The following BRINP1 variants were observed in gnomAD, a reference collection of about 807,000 sequenced individuals.
BRINP1 encodes BMP/retinoic acid inducible neural specific 1, also known as BMP/retinoic acid-inducible neural-specific protein 1.
In BRINP1, 17 loss-of-function variants were observed where a neutral mutation model predicts 72.9. That is an observed-to-expected ratio of 0.23 (90% CI 0.16 to 0.35). The LOEUF is 0.35. BRINP1 is among the 10% of genes least tolerant of loss of function. The pLI is 1.00. For missense variants in BRINP1, 850 were observed against 1,001.6 expected (o/e 0.85, Z 2.04); for synonymous variants, 418 against 378.5 (o/e 1.10, Z -1.21).
chr9:119,303,261 T>C (rs1292521700), intron 2 of BRINP1, among the ~76,000 whole-genome samples: 4 of 146,218 alleles, frequency 2.7e-5, no homozygotes, highest in Admixed American at 1.4e-4. Flanking sequence ...CAAAGTTACC[T>C]ACACCCCCCA....
chr9:119,193,529 C>T (rs1214035066), intron 7 of BRINP1, among the ~76,000 whole-genome samples: 1 of 152,066 alleles, frequency 6.6e-6, no homozygotes, highest in African/African-American at 2.4e-5. Flanking sequence ...TTGGGGATTG[C>T]TGTTAAATAG....
At position 119,343,719 on chromosome 9, in the gene BRINP1, C is replaced by T. The variant is rs1315664991; in HGVS notation, c.-51+25337G>A. Reference sequence around the variant, plus strand: ...TTGACAGATACTGAAATTTGAGATGCACTATCTGCCTGAGGCTGTGCTATA... The same window carrying T: ...TTGACAGATACTGAAATTTGAGATGTACTATCTGCCTGAGGCTGTGCTATA... On this transcript the variant is annotated intron_variant, in intron 1 of 7. Transcript: ENST00000265922. 9.9e-5 allele frequency among the ~76,000 whole-genome samples: 15 copies of T among 152,124 alleles called. 1 individual carries two copies. The highest frequency in any genetic ancestry group is 9.8e-4 in the Admixed American group (15 of 15,274).
Position 119,167,225 on chromosome 9 carries a change from G to T in BRINP1, c.2145C>A (p.Pro715=). The change falls in exon 8 of 8, where the codon CCC becomes CCA. Residue 715 remains proline (P), a synonymous_variant. Coordinates refer to ENST00000265922, the MANE Select transcript of BRINP1 (RefSeq NM_014618.3). This position sits in a 1 kb window ranked among gnomAD's most constrained non-coding sequence, Gnocchi z 4.3. ...RLAPPVAPGK[P]QLDLFSCMLK... ...GCATACAGGAGAACAAGTCCAGCTG[G>T]GGTTTCCCCGGGGCCACAGGAGGGG... 6.2e-7 allele frequency: 1 copy of T among 1,614,156 alleles called. No homozygotes were observed. Among genetic ancestry groups the T allele is most frequent in the Middle Eastern group, 1.6e-4 (1 of 6,062 alleles).
intron 2 of BRINP1, among the ~76,000 whole-genome samples, chr9:119,257,270 G>A (rs1166403948): frequency 6.6e-6 from 1 of 152,140 alleles, no homozygotes; most frequent in African/African-American, 2.4e-5. Flanking sequence ...GATGCTGGTG[G>A]GAGATGTTCT....
chr9:119,267,953 T>C (rs1830564675), intron 2 of BRINP1, among the ~76,000 whole-genome samples: 1 of 152,034 alleles, frequency 6.6e-6, no homozygotes, highest in Non-Finnish European at 1.5e-5. Context: ...AAGAAAGTGT[T>C]TCAGTTAGGT....
At chr9:119,254,923 A>G (rs1441952337) in intron 2 of BRINP1, among the ~76,000 whole-genome samples, 1 of 152,216 alleles carries the variant, frequency 6.6e-6, no homozygotes, top group Non-Finnish European at 1.5e-5. Flanking sequence ...AGAAGTCATC[A>G]AATCCAACTA....
At chr9:119,349,022 G>C (rs1483378151) in intron 1 of BRINP1, among the ~76,000 whole-genome samples, 1 of 152,082 alleles carries the variant, frequency 6.6e-6, no homozygotes, top group Non-Finnish European at 1.5e-5. Flanking sequence ...CAGAGAGTTT[G>C]AGTTATTTGC....
intron 1 of BRINP1, among the ~76,000 whole-genome samples, chr9:119,327,159 T>A (rs1400962170): frequency 6.6e-6 from 1 of 152,210 alleles, no homozygotes; most frequent in Non-Finnish European, 1.5e-5. Flanking sequence ...TTTATTTTAT[T>A]TTAGTGCTGG....
chr9:119,270,896 A>C (rs1018863426), intron 2 of BRINP1, among the ~76,000 whole-genome samples: 6 of 152,334 alleles, frequency 3.9e-5, no homozygotes, highest in African/African-American at 1.4e-4. Flanking sequence ...TGGTGTTGAA[A>C]TGGATGGGGG....
chr9:119,310,483 CTA>C (rs1422407467), intron 2 of BRINP1, among the ~76,000 whole-genome samples: 1 of 152,152 alleles, frequency 6.6e-6, no homozygotes. Flanking sequence ...GACCATGACT[CTA>C]TGAGCAGAAG....
intron 7 of BRINP1, among the ~76,000 whole-genome samples, chr9:119,205,630 T>C (rs950127631): frequency 6.6e-6 from 1 of 152,156 alleles, no homozygotes; most frequent in Non-Finnish European, 1.5e-5. Context: ...TTGTCCCTCC[T>C]TCTTCCCTTG....
intron 2 of BRINP1, among the ~76,000 whole-genome samples, chr9:119,255,225 G>A (rs1830434169): frequency 6.6e-6 from 1 of 152,220 alleles, no homozygotes; most frequent in African/African-American, 2.4e-5. Flanking sequence ...CCTTCTGAGT[G>A]CACAGAACAA....
At chr9:119,338,589 G>C (rs995302651) in intron 1 of BRINP1, among the ~76,000 whole-genome samples, 5 of 151,684 alleles carry the variant, frequency 3.3e-5, no homozygotes, top group Non-Finnish European at 7.4e-5. Context: ...CAGGCGGGGT[G>C]GGGGCGGGCG....
At chr9:119,331,683 T>C (rs1490078598) in intron 1 of BRINP1, among the ~76,000 whole-genome samples, 4 of 152,326 alleles carry the variant, frequency 2.6e-5, no homozygotes, top group Middle Eastern at 3.4e-3. Flanking sequence ...ACAGCTGCCA[T>C]TCTGCCCAAG....
chr9:119,251,255 T>G (rs1473264223), intron 2 of BRINP1, among the ~76,000 whole-genome samples: 1 of 152,134 alleles, frequency 6.6e-6, no homozygotes, highest in East Asian at 1.9e-4. Flanking sequence ...GGAAGGGGAA[T>G]GCACATGTCA....
intron 2 of BRINP1, among the ~76,000 whole-genome samples, chr9:119,287,226 C>A (rs62567706): frequency 5.3e-5 from 8 of 151,988 alleles, no homozygotes; most frequent in Non-Finnish European, 1.2e-4. Context: ...TAAGAGAGAC[C>A]TGGTTCCAAG....
chr9:119,199,779 G>A (rs981946623), intron 7 of BRINP1, among the ~76,000 whole-genome samples: 3 of 148,280 alleles, frequency 2.0e-5, no homozygotes, highest in Non-Finnish European at 4.4e-5. Flanking sequence ...GAATTGAATA[G>A]TGTCTGTTTT....
chr9:119,167,117 T>C lies in BRINP1; in HGVS notation c.2253A>G (p.Lys751=), dbSNP rs1484819319. The C allele has an allele frequency of 6.2e-7, 1 of 1,611,928 alleles. No homozygotes were observed. Among genetic ancestry groups the C allele is most frequent in the Non-Finnish European group, 8.5e-7 (1 of 1,178,644 alleles). The change falls in exon 8 of 8, where the codon AAA becomes AAG. Residue 751 remains lysine (K), a synonymous_variant. Coordinates refer to ENST00000265922, the MANE Select transcript of BRINP1 (RefSeq NM_014618.3). This position sits in a 1 kb window ranked among gnomAD's most constrained non-coding sequence, Gnocchi z 4.3. ...ALDLYNTEIL[K]QSDQMTAKLC Reference sequence around the variant, plus strand: ...GTTTGGCTGTCATCTGGTCCGACTGTTTGAGGATCTCCGTGTTGTACAGGT... The same window carrying C: ...GTTTGGCTGTCATCTGGTCCGACTGCTTGAGGATCTCCGTGTTGTACAGGT...
intron 2 of BRINP1, chr9:119,283,053 T>C: frequency 1.0e-6 from 1 of 985,450 alleles, no homozygotes; most frequent in Non-Finnish European, 1.2e-6. Context: ...TGACCAAGGA[T>C]ACAGAGTTAC....
Sources: allele counts gnomAD v4.1 joint callset (sites outside exome capture counted in the v4.1 genomes callset), GRCh38; gene constraint gnomAD v4.1.1; non-coding constraint Gnocchi (gnomAD v3.1); transcripts MANE v1.5; gene names NCBI Gene and HGNC (gene_info 2026-07-23, HGNC 2026-07-21).